Variants in MARCHF4 observed in about 807,000 individuals in gnomAD.
The protein encoded by MARCHF4 is E3 ubiquitin-protein ligase MARCHF4.
In MARCHF4, 14 loss-of-function variants were observed where a neutral mutation model predicts 43.9. The observed-to-expected ratio is 0.32, with a 90% CI of 0.21 to 0.50. The LOEUF (loss-of-function observed/expected upper bound fraction) is 0.50, where lower values mean the gene tolerates loss of function less well. MARCHF4 is among the 20% of genes least tolerant of loss of function. The pLI, the probability that MARCHF4 is intolerant of heterozygous loss-of-function variation, is 0.98. For synonymous variants in MARCHF4, 226 were observed against 213.3 expected (o/e 1.06, Z -0.52); for missense variants, 468 against 536.7 (o/e 0.87, Z 1.27).
At chr2:216,358,624 G>A (rs535475975) in intron 1 of MARCHF4, among the ~76,000 whole-genome samples, 24 of 152,210 alleles carry the variant, frequency 1.6e-4, no homozygotes, top group Non-Finnish European at 3.2e-4. Flanking sequence ...TGCTTAATGT[G>A]GGTCAAGTGG....
intron 1 of MARCHF4, among the ~76,000 whole-genome samples, chr2:216,347,157 C>A (rs183066538): frequency 4.7e-4 from 72 of 152,254 alleles, no homozygotes; most frequent in Non-Finnish European, 5.9e-5. Context: ...TTGTGAATTA[C>A]CCAGTCTCAG....
In MARCHF4 at chr2:216,259,386, G is replaced by A. The variant is rs1161311308; in HGVS notation, c.1159C>T (p.His387Tyr). 3.7e-6 allele frequency: 6 copies of A among 1,607,942 alleles called. No homozygotes were observed. Residue 387 changes from histidine (H) to tyrosine (Y), a missense_variant, in exon 4 of 4, where the codon CAC (histidine) becomes TAC (tyrosine). His to Tyr is a moderately conservative substitution (Grantham distance 83). Around this residue, in one of 3 missense-constraint regions of MARCHF4, gnomAD observed 120 missense variants for 127.1 expected, o/e 0.94. Transcript: ENST00000273067. ...CTTCGCTGTTCATGAGGTCTCAAGTGACTCAGGATGTGCAGGATGGTATAA... is the reference window on the plus strand; with the variant it reads ...CTTCGCTGTTCATGAGGTCTCAAGTAACTCAGGATGTGCAGGATGGTATAA... ...CAYTILHILS[H>Y]LRPHEQRSPP...
In MARCHF4 at chr2:216,328,861, A is replaced by G. The variant is rs529120744; in HGVS notation, c.516+40884T>C. Among the ~76,000 whole-genome samples the G allele has an allele frequency of 2.5e-3, 374 of 151,872 alleles. 1 individual carries two copies. The highest frequency in any genetic ancestry group is 4.3e-3 in the Non-Finnish European group (289 of 67,966). Reference sequence around the variant, plus strand: ...GAGACCAGCCTGGCCAGCAAGGTGAAACCCTGTCTCTACTAAACATACAAA... The same window carrying G: ...GAGACCAGCCTGGCCAGCAAGGTGAGACCCTGTCTCTACTAAACATACAAA... On this transcript the variant is annotated intron_variant, in intron 1 of 3. Transcript: ENST00000273067.
chr2:216,318,643 A>G (rs561359585), intron 1 of MARCHF4, among the ~76,000 whole-genome samples: 2 of 152,252 alleles, frequency 1.3e-5, no homozygotes, highest in African/African-American at 4.8e-5. Flanking sequence ...GCCCTGAGGT[A>G]GGAGCAGGCT....
intron 1 of MARCHF4, among the ~76,000 whole-genome samples, chr2:216,357,682 ATCTC>A (rs759480166): frequency 2.6e-5 from 4 of 152,188 alleles, no homozygotes; most frequent in Non-Finnish European, 5.9e-5. Context: ...ATTTTATAAA[ATCTC>A]TCTAATTAGA....
chr2:216,318,551 A>C (rs1016766503), intron 1 of MARCHF4, among the ~76,000 whole-genome samples: 1 of 152,174 alleles, frequency 6.6e-6, no homozygotes, highest in Non-Finnish European at 1.5e-5. Flanking sequence ...ATGAAATTTG[A>C]GCAGAGACTG....
chr2:216,348,668 A>G (rs1159122359), intron 1 of MARCHF4, among the ~76,000 whole-genome samples: 4 of 152,166 alleles, frequency 2.6e-5, no homozygotes, highest in African/African-American at 9.7e-5. Flanking sequence ...TGGAGTAGCC[A>G]TTCTTTATTC....
rs1692783333 is a variant in MARCHF4 at position 216,372,341 on chromosome 2, G to A, written c.-2081C>T. ...CCGCCGCTGCTGCATTCAGCACCCC[G>A]GGCGAGTGGACAGCTCCCACCCAGA... On this transcript the variant is annotated 5_prime_UTR_variant, in exon 1 of 4. Coordinates refer to ENST00000273067, the MANE Select transcript of MARCHF4 (RefSeq NM_020814.3). 1.3e-5 allele frequency among the ~76,000 whole-genome samples: 2 copies of A among 152,134 alleles called. No individual in the cohort carries two copies. The highest frequency in any genetic ancestry group is 6.5e-5 in the Admixed American group (1 of 15,282).
intron 1 of MARCHF4, among the ~76,000 whole-genome samples, chr2:216,361,521 G>A (rs1474311500): frequency 6.6e-6 from 1 of 152,158 alleles, no homozygotes; most frequent in African/African-American, 2.4e-5. Flanking sequence ...CCAGGAAAGT[G>A]TCTTTCTACA....
intron 1 of MARCHF4, among the ~76,000 whole-genome samples, chr2:216,306,226 A>G (rs1691584086): frequency 6.6e-6 from 1 of 152,184 alleles, no homozygotes; most frequent in Non-Finnish European, 1.5e-5. Context: ...TCTTTAGCCA[A>G]TTTAATTTTT....
Position 216,263,491 on chromosome 2 carries a change from GAA to G in MARCHF4, c.866-3814_866-3813del, listed in dbSNP as rs1491526864. Among the ~76,000 whole-genome samples, 44 of 113,386 alleles carry G rather than the reference GAA, an allele frequency of 3.9e-4. 1 individual carries two copies. The highest frequency in any genetic ancestry group is 4.5e-3 in the Middle Eastern group (1 of 224). 74.4% of individuals were successfully genotyped at this position (113,386 alleles called of 152,430 possible). A position where few individuals can be genotyped will look rare whatever the true frequency, so the allele number is the denominator to read the frequency against. The stretch of plus-strand genomic sequence containing the variant: ...AGAGAAAGAGAGAAAGAAGGAGAGA[GAA>G]AGAGAGAGAGAGAGAGAGAGAGAGA... On this transcript the variant is annotated intron_variant, in intron 3 of 3. Transcript: ENST00000273067.
intron 1 of MARCHF4, among the ~76,000 whole-genome samples, chr2:216,286,553 G>T (rs897547988): frequency 9.9e-5 from 15 of 151,328 alleles, no homozygotes; most frequent in African/African-American, 3.4e-4. Context: ...AGAAAATAAA[G>T]CAAGGACAAC....
At chr2:216,317,646 T>C (rs1397751063) in intron 1 of MARCHF4, among the ~76,000 whole-genome samples, 1 of 152,172 alleles carries the variant, frequency 6.6e-6, no homozygotes, top group Non-Finnish European at 1.5e-5. Flanking sequence ...ACTCCTGACC[T>C]CAAGTGATCC....
chr2:216,354,959 CTTT>C (rs1692473155), intron 1 of MARCHF4, among the ~76,000 whole-genome samples: 6 of 135,224 alleles, frequency 4.4e-5, no homozygotes, highest in Admixed American at 7.5e-5. Context: ...TTCTTTCTTT[CTTT>C]CTTTCTTTCT....
chr2:216,303,893 T>G (rs1456528683), intron 1 of MARCHF4, among the ~76,000 whole-genome samples: 1 of 152,188 alleles, frequency 6.6e-6, no homozygotes, highest in African/African-American at 2.4e-5. Flanking sequence ...GCCAAAGGCA[T>G]AGAAGCAGGA....
chr2:216,265,379 C>A (rs758645998), intron 3 of MARCHF4: 1 of 152,442 alleles, frequency 6.6e-6, no homozygotes, highest in Non-Finnish European at 1.5e-5. Flanking sequence ...TTCCGGGGCT[C>A]CTCTTCCTCA....
At position 216,294,459 on chromosome 2, in the gene MARCHF4, C is replaced by A. The variant is rs150664332; in HGVS notation, c.517-10730G>T. ...GTTACACTTCACTAATGTTCCGGAT[C>A]ATGGCCCCAGGCACTTAGAAACACT... On this transcript the variant is annotated intron_variant, in intron 1 of 3. Transcript: ENST00000273067. 1.3e-4 allele frequency among the ~76,000 whole-genome samples: 20 copies of A among 152,366 alleles called. 1 individual carries two copies. Among genetic ancestry groups the A allele is most frequent in the Non-Finnish European group, 2.4e-4 (16 of 68,036 alleles).
At chr2:216,317,661 C>A (rs546184780) in intron 1 of MARCHF4, among the ~76,000 whole-genome samples, 1 of 152,086 alleles carries the variant, frequency 6.6e-6, no homozygotes, top group African/African-American at 2.4e-5. Flanking sequence ...TGATCCACCC[C>A]CCTTGGCCTC....
chr2:216,312,621 G>C (rs1691706537), intron 1 of MARCHF4, among the ~76,000 whole-genome samples: 1 of 152,050 alleles, frequency 6.6e-6, no homozygotes, highest in Non-Finnish European at 1.5e-5. Context: ...GTTTTAATTT[G>C]CATTCCTCTG....
Sources: gnomAD v4.1 joint callset for allele counts (sites outside exome capture counted in the v4.1 genomes callset) on GRCh38, gnomAD v4.1.1 for gene constraint, gnomAD v4.1.1 regional missense constraint, MANE v1.5 for transcripts, NCBI Gene and HGNC (gene_info 2026-07-23, HGNC 2026-07-21) for gene names.